SCML4: variants seen among roughly 807,000 people sequenced by gnomAD.
SCML4 encodes the protein sex comb on midleg-like protein 4.
SCML4 carries 34 observed loss-of-function variants against 41.1 expected under a neutral mutation model. The observed-to-expected ratio is 0.83, with a 90% CI of 0.63 to 1.10. SCML4 has a LOEUF of 1.10. Among genes scored for constraint, SCML4 ranks in the 50% least tolerant of loss-of-function variants. The pLI, the probability that SCML4 is intolerant of heterozygous loss-of-function variation, is 0.00. For missense variants in SCML4, 522 were observed against 534.1 expected (o/e 0.98, Z 0.22); for synonymous variants, 214 against 220.9 (o/e 0.97, Z 0.28).
chr6:107,749,736 G>A lies in SCML4; in HGVS notation c.234C>T (p.Ile78=). Residue 78 remains isoleucine (I), a synonymous_variant, in exon 3 of 8, where the codon ATC becomes ATT. Coordinates refer to ENST00000369020, the MANE Select transcript of SCML4 (RefSeq NM_198081.5). ...TGGGGACCGTGGCTGCGTCCTGAGG[G>A]ATGGAGCTGAGGTCGGGCTCTGGGG... ...RSTPEPDLSS[I]PQDAATVPSL... is the part of the protein sequence containing the mutation. The A allele has an allele frequency of 6.2e-7, 1 of 1,614,042 alleles. No homozygotes were observed. Among genetic ancestry groups the A allele is most frequent in the Non-Finnish European group, 8.5e-7 (1 of 1,179,982 alleles).
chr6:107,771,238 A>G (rs555568192), intron 2 of SCML4, among the ~76,000 whole-genome samples: 2 of 152,346 alleles, frequency 1.3e-5, no homozygotes, highest in South Asian at 4.1e-4. Context: ...AGCTCTTTCT[A>G]CTGACCTGAA....
At chr6:107,809,207 A>G (rs1783971899) in intron 1 of SCML4, among the ~76,000 whole-genome samples, 1 of 152,230 alleles carries the variant, frequency 6.6e-6, no homozygotes, top group Admixed American at 6.5e-5. Flanking sequence ...TTGTAAGCAG[A>G]CAGCAGCGCT....
At chr6:107,740,072 T>C (rs990888760) in intron 5 of SCML4, 15 of 468,512 alleles carry the variant, frequency 3.2e-5, no homozygotes, top group Admixed American at 1.4e-4. Context: ...CTGGGGTCAT[T>C]ACTTCCAAAC....
chr6:107,731,721 G>A (rs1326342396), intron 5 of SCML4, among the ~76,000 whole-genome samples: 1 of 152,244 alleles, frequency 6.6e-6, no homozygotes, highest in Non-Finnish European at 1.5e-5. Context: ...CTTGCTGACA[G>A]AGATGGCAAC....
the SCML4 span, among the ~76,000 whole-genome samples, chr6:107,832,017 C>T: frequency 1.3e-5 from 2 of 149,354 alleles, no homozygotes; most frequent in Non-Finnish European, 3.0e-5. Flanking sequence ...GAGCCGAGAT[C>T]GAGCCACTGC....
At chr6:107,740,680 A>G (rs1777515045) in intron 5 of SCML4, among the ~76,000 whole-genome samples, 2 of 152,220 alleles carry the variant, frequency 1.3e-5, no homozygotes, top group Non-Finnish European at 2.9e-5. Context: ...TTACCCCCAG[A>G]GGCCTTGGAC....
chr6:107,759,756 A>G (rs368240086), intron 2 of SCML4, among the ~76,000 whole-genome samples: 2 of 152,168 alleles, frequency 1.3e-5, no homozygotes, highest in Non-Finnish European at 2.9e-5. Context: ...AAAGTAATAA[A>G]CCTTCAGAAT....
At chr6:107,731,747 C>T (rs1372016440) in intron 5 of SCML4, among the ~76,000 whole-genome samples, 2 of 152,238 alleles carry the variant, frequency 1.3e-5, no homozygotes, top group African/African-American at 4.8e-5. Context: ...AGATTCCTAG[C>T]CCTGAAACCC....
the SCML4 span, among the ~76,000 whole-genome samples, chr6:107,832,785 G>A: frequency 2.0e-4 from 31 of 152,334 alleles, no homozygotes; most frequent in Admixed American, 3.9e-4. Context: ...AAGAGAGGCC[G>A]TAGGGAGCGG....
chr6:107,721,655 C>T (rs1391939856), intron 5 of SCML4, among the ~76,000 whole-genome samples: 6 of 152,224 alleles, frequency 3.9e-5, no homozygotes, highest in Non-Finnish European at 8.8e-5. Context: ...CAGCCCCCCT[C>T]ACCTGGCTCA....
At chr6:107,781,079 G>T (rs2114594223) in intron 1 of SCML4, among the ~76,000 whole-genome samples, 1 of 152,230 alleles carries the variant, frequency 6.6e-6, no homozygotes, top group South Asian at 2.1e-4. Flanking sequence ...AGTAAGTATA[G>T]GAGAGCTTAC....
chr6:107,802,932 G>T (rs926990392), intron 1 of SCML4, among the ~76,000 whole-genome samples: 3 of 151,868 alleles, frequency 2.0e-5, no homozygotes, highest in African/African-American at 7.3e-5. Context: ...TTTTGGTGGA[G>T]ACGGGTTTTC....
chr6:107,802,116 T>C (rs758789341), intron 1 of SCML4, among the ~76,000 whole-genome samples: 4 of 152,166 alleles, frequency 2.6e-5, no homozygotes, highest in Non-Finnish European at 4.4e-5. Flanking sequence ...GCCTCCTACG[T>C]GCCAGTGTTC....
At chr6:107,804,079 A>G (rs1472286104) in intron 1 of SCML4, among the ~76,000 whole-genome samples, 1 of 150,386 alleles carries the variant, frequency 6.6e-6, no homozygotes, top group Non-Finnish European at 1.5e-5. Context: ...AAAAAAAAAA[A>G]AAAGAGCATT....
chr6:107,780,090 G>A (rs1040137833), intron 1 of SCML4, among the ~76,000 whole-genome samples: 15 of 152,140 alleles, frequency 9.9e-5, no homozygotes, highest in East Asian at 9.6e-4. Flanking sequence ...GCCTGGCACC[G>A]GTGACAACCT....
rs562407437 is a variant in SCML4, at chr6:107,818,024, C to T, written c.-60+6102G>A. 2.0e-5 allele frequency among the ~76,000 whole-genome samples: 3 copies of T among 152,318 alleles called. No individual in the cohort carries two copies. In the East Asian group the frequency reaches 5.8e-4, roughly 29 times the overall value. On this transcript the variant is annotated intron_variant, in intron 1 of 7. Transcript: ENST00000369020. Reference sequence around the variant, plus strand: ...ACTAATTATGTTAAGACACTCAAAACAAGAGCTATATTTTCACACCGTGGA... The same window carrying T: ...ACTAATTATGTTAAGACACTCAAAATAAGAGCTATATTTTCACACCGTGGA...
At chr6:107,831,423 A>AC in the SCML4 span, among the ~76,000 whole-genome samples, 1 of 151,334 alleles carries the variant, frequency 6.6e-6, no homozygotes, top group South Asian at 2.1e-4. Context: ...AAAAAAAAAA[A>AC]AAAAAAAAAA....
At chr6:107,807,628 T>C (rs966064068) in intron 1 of SCML4, among the ~76,000 whole-genome samples, 6 of 152,248 alleles carry the variant, frequency 3.9e-5, no homozygotes, top group Admixed American at 3.9e-4. Flanking sequence ...TACAATGTTA[T>C]TGTCATATTT....
At chr6:107,708,050 G>A (rs1035619345) in intron 6 of SCML4, 39 bp from the exon 7 acceptor site, 12 of 1,544,480 alleles carry the variant, frequency 7.8e-6, no homozygotes, top group Non-Finnish European at 1.0e-5. Context: ...GAGCCAGTGG[G>A]ACAGGGCCTT....
Sources: gnomAD v4.1 joint callset for allele counts (sites outside exome capture counted in the v4.1 genomes callset) on GRCh38, gnomAD v4.1.1 for gene constraint, MANE v1.5 for transcripts, NCBI Gene and HGNC (gene_info 2026-07-23, HGNC 2026-07-21) for gene names.